ABTB3: variants seen among roughly 807,000 people sequenced by gnomAD.
ABTB3 encodes the protein ankyrin repeat and BTB domain containing 3.
the ABTB3 span, among the ~76,000 whole-genome samples, chr12:107,344,341 C>T: frequency 8.5e-5 from 13 of 152,156 alleles, no homozygotes; most frequent in African/African-American, 3.1e-4. Context: ...CCCACCACTA[C>T]CACCCAATCA....
chr12:107,413,036 A>C, the ABTB3 span, among the ~76,000 whole-genome samples: 2 of 152,204 alleles, frequency 1.3e-5, no homozygotes, highest in East Asian at 3.9e-4. Context: ...GCACTTTGGG[A>C]GGCCGAAGTG....
At chr12:107,505,025 G>A in the ABTB3 span, among the ~76,000 whole-genome samples, 1 of 152,202 alleles carries the variant, frequency 6.6e-6, no homozygotes, top group Non-Finnish European at 1.5e-5. Flanking sequence ...GTGTCAGTGA[G>A]ACACAGAAGT....
chr12:107,471,437 C>A, the ABTB3 span, among the ~76,000 whole-genome samples: 1 of 152,090 alleles, frequency 6.6e-6, no homozygotes, highest in Non-Finnish European at 1.5e-5. Flanking sequence ...GCTCCCATTG[C>A]AGGTCAAGAG....
chr12:107,537,456 A>G, the ABTB3 span, among the ~76,000 whole-genome samples: 1 of 152,218 alleles, frequency 6.6e-6, no homozygotes, highest in South Asian at 2.1e-4. Context: ...ATCATCATAC[A>G]TTATATACAT....
At chr12:107,324,542 A>G in the ABTB3 span, among the ~76,000 whole-genome samples, 1 of 152,184 alleles carries the variant, frequency 6.6e-6, no homozygotes, top group African/African-American at 2.4e-5. Flanking sequence ...AACTTCAATG[A>G]TATCTACCTT....
chr12:107,559,566 C>G, the ABTB3 span, among the ~76,000 whole-genome samples: 1 of 152,188 alleles, frequency 6.6e-6, no homozygotes, highest in Non-Finnish European at 1.5e-5. Flanking sequence ...AGTTTCCACT[C>G]TTTTTTTATC....
At chr12:107,619,197 G>A in the ABTB3 span, among the ~76,000 whole-genome samples, 1 of 152,180 alleles carries the variant, frequency 6.6e-6, no homozygotes. Flanking sequence ...CCATTGCCCT[G>A]GGAGCCTATT....
chr12:107,443,957 C>G, the ABTB3 span, among the ~76,000 whole-genome samples: 1 of 152,162 alleles, frequency 6.6e-6, no homozygotes, highest in Non-Finnish European at 1.5e-5. Context: ...GACAGGGTCA[C>G]CTAGATGAGG....
At chr12:107,467,573 T>C in the ABTB3 span, among the ~76,000 whole-genome samples, 1 of 152,106 alleles carries the variant, frequency 6.6e-6, no homozygotes, top group Admixed American at 6.6e-5. Context: ...GGATTCTGCG[T>C]TACTCCACAG....
the ABTB3 span, among the ~76,000 whole-genome samples, chr12:107,630,858 A>G: frequency 2.0e-4 from 31 of 152,342 alleles, no homozygotes; most frequent in African/African-American, 7.0e-4. Context: ...CTATATTACT[A>G]TGGTACATTT....
chr12:107,617,252 T>A, the ABTB3 span: 3 of 1,613,710 alleles, frequency 1.9e-6, no homozygotes, highest in Non-Finnish European at 2.5e-6. Context: ...TGCCTGTGAC[T>A]ATATTTTTGC....
At chr12:107,548,996 A>G in the ABTB3 span, among the ~76,000 whole-genome samples, 1 of 152,210 alleles carries the variant, frequency 6.6e-6, no homozygotes, top group Non-Finnish European at 1.5e-5. Flanking sequence ...CTAGACAATT[A>G]AGTAGTTCTG....
chr12:107,457,811 G>A, the ABTB3 span, among the ~76,000 whole-genome samples: 21 of 152,278 alleles, frequency 1.4e-4, no homozygotes, highest in African/African-American at 2.9e-4. Flanking sequence ...CCAGTGTGGC[G>A]CAAATGTTCA....
chr12:107,480,288 A>T, the ABTB3 span, among the ~76,000 whole-genome samples: 1 of 152,202 alleles, frequency 6.6e-6, no homozygotes, highest in Non-Finnish European at 1.5e-5. Context: ...CCCAAAAAAA[A>T]AAATGTTATC....
chr12:107,409,916 C>T, the ABTB3 span, among the ~76,000 whole-genome samples: 4 of 152,074 alleles, frequency 2.6e-5, no homozygotes, highest in Non-Finnish European at 5.9e-5. Context: ...AAATACAGGG[C>T]CTCTTGTTTA....
the ABTB3 span, among the ~76,000 whole-genome samples, chr12:107,401,914 GTTT>G: frequency 2.3e-5 from 3 of 130,892 alleles, no homozygotes; most frequent in African/African-American, 5.7e-5. Context: ...ACCGCTTAGG[GTTT>G]TTTTTTTTTT....
chr12:107,585,855 A>G, the ABTB3 span, among the ~76,000 whole-genome samples: 2 of 152,186 alleles, frequency 1.3e-5, no homozygotes, highest in African/African-American at 4.8e-5. Flanking sequence ...ATTTGAGAAC[A>G]AGATCGTCCA....
chr12:107,396,291 C>A, the ABTB3 span, among the ~76,000 whole-genome samples: 30 of 152,348 alleles, frequency 2.0e-4, no homozygotes, highest in Non-Finnish European at 3.5e-4. Flanking sequence ...TCTGCCCCCA[C>A]CTTCTTCCCT....
At chr12:107,532,289 G>A in the ABTB3 span, among the ~76,000 whole-genome samples, 1 of 152,196 alleles carries the variant, frequency 6.6e-6, no homozygotes, top group African/African-American at 2.4e-5. Context: ...CTTCAGTGGT[G>A]GGACCACCAT....
Sources: gnomAD v4.1 joint callset for allele counts (sites outside exome capture counted in the v4.1 genomes callset) on GRCh38, gnomAD v4.1.1 for gene constraint, MANE v1.5 for transcripts, NCBI Gene and HGNC (gene_info 2026-07-23, HGNC 2026-07-21) for gene names.